MCPH1: variants seen among roughly 807,000 people sequenced by gnomAD.
MCPH1 encodes the protein microcephalin 1.
In MCPH1, 104 loss-of-function variants were observed where a neutral mutation model predicts 84.5. The ratio of observed to expected loss-of-function variants is 1.23; its 90% CI spans 1.05 to 1.45. The LOEUF is 1.45. Ranked by LOEUF, MCPH1 falls within the 40% of genes most tolerant of loss-of-function variation. The pLI, the probability that MCPH1 is intolerant of heterozygous loss-of-function variation, is 0.00. For synonymous variants in MCPH1, 514 were observed against 366.8 expected (o/e 1.40, Z -4.58); for missense variants, 1,498 against 1,005.7 (o/e 1.49, Z -6.62).
chr8:6,544,556 A>G lies in MCPH1; in HGVS notation c.2214+44627A>G, dbSNP rs548171878. On this transcript the variant is annotated intron_variant, in intron 12 of 13. Coordinates refer to ENST00000344683, the MANE Select transcript of MCPH1 (RefSeq NM_024596.5). ...GTCATTTTCGGAGAGAGTTTGTCGA[A>G]GTTTTTTTCAGGGTGTGTCATTCAT... Among the ~76,000 whole-genome samples, 167 of 152,298 alleles carry G rather than the reference A, an allele frequency of 1.1e-3. 1 individual carries two copies. Among genetic ancestry groups the G allele is most frequent in the African/African-American group, 3.7e-3 (154 of 41,570 alleles).
At chr8:6,418,747 A>G (rs1421258374) in intron 3 of MCPH1, among the ~76,000 whole-genome samples, 1 of 151,922 alleles carries the variant, frequency 6.6e-6, no homozygotes, top group African/African-American at 2.4e-5. Flanking sequence ...ACGCCCAGCT[A>G]ATTTTTGTAT....
At chr8:6,510,570 C>T (rs975933462) in intron 12 of MCPH1, among the ~76,000 whole-genome samples, 2 of 152,226 alleles carry the variant, frequency 1.3e-5, no homozygotes, top group Non-Finnish European at 2.9e-5. Context: ...CTTATAACCA[C>T]CTGCAGTGGT....
chr8:6,431,041 G>T (rs2251947), intron 3 of MCPH1, among the ~76,000 whole-genome samples: 36,916 of 152,018 alleles, frequency 0.24, 5,847 homozygotes, highest in Non-Finnish European at 0.35. Flanking sequence ...TGGGGCTGAT[G>T]GTGGTGTCTG....
chr8:6,454,358 C>T (rs1805443780), intron 8 of MCPH1, among the ~76,000 whole-genome samples: 1 of 152,190 alleles, frequency 6.6e-6, no homozygotes, highest in African/African-American at 2.4e-5. Context: ...TAGGCTGCTA[C>T]ATAACTTTTG....
At chr8:6,615,418 T>C (rs1000756890) in intron 12 of MCPH1, among the ~76,000 whole-genome samples, 1 of 152,246 alleles carries the variant, frequency 6.6e-6, no homozygotes, top group Non-Finnish European at 1.5e-5. Flanking sequence ...ATGAGTTCAC[T>C]TAACGACACA....
intron 13 of MCPH1, among the ~76,000 whole-genome samples, chr8:6,636,564 C>T (rs2433144): frequency 0.54 from 81,483 of 152,004 alleles, 22,899 homozygotes; most frequent in African/African-American, 0.7. Flanking sequence ...ATTGCAGCCT[C>T]TAACTCCTGG....
intron 12 of MCPH1, among the ~76,000 whole-genome samples, chr8:6,520,248 C>A (rs1817057409): frequency 6.6e-6 from 1 of 152,146 alleles, no homozygotes; most frequent in Non-Finnish European, 1.5e-5. Context: ...ACTTCCTTTG[C>A]TGATGATCAA....
intron 13 of MCPH1, among the ~76,000 whole-genome samples, chr8:6,634,685 C>G (rs1419891063): frequency 6.6e-6 from 1 of 152,206 alleles, no homozygotes; most frequent in Non-Finnish European, 1.5e-5. Context: ...GCCTCTTGTG[C>G]TCGCTGCAGA....
At chr8:6,470,786 A>G (rs530067018) in intron 9 of MCPH1, among the ~76,000 whole-genome samples, 5 of 152,240 alleles carry the variant, frequency 3.3e-5, no homozygotes, top group Non-Finnish European at 7.3e-5. Context: ...TTATTATTCC[A>G]CCATTATAAG....
chr8:6,407,037 C>G, intron 1 of MCPH1: 1 of 364,426 alleles, frequency 2.7e-6, no homozygotes, highest in Non-Finnish European at 5.1e-6. Flanking sequence ...CTGCCTGCTC[C>G]CTCCCCCATG....
intron 5 of MCPH1, among the ~76,000 whole-genome samples, chr8:6,437,349 G>C (rs1397197369): frequency 6.6e-6 from 1 of 151,968 alleles, no homozygotes; most frequent in Non-Finnish European, 1.5e-5. Flanking sequence ...TCCTGGCTCA[G>C]CCTCCCGAGA....
At chr8:6,537,134 C>T (rs182083660) in intron 12 of MCPH1, among the ~76,000 whole-genome samples, 55 of 152,216 alleles carry the variant, frequency 3.6e-4, no homozygotes, top group Non-Finnish European at 5.4e-4. Context: ...GGAGGGGACC[C>T]GGCTCTTTCC....
At chr8:6,579,865 C>T (rs960104362) in intron 12 of MCPH1, among the ~76,000 whole-genome samples, 19 of 152,114 alleles carry the variant, frequency 1.2e-4, no homozygotes, top group Admixed American at 5.2e-4. Context: ...GGGGCTATGT[C>T]GCCAATGCCA....
chr8:6,519,738 C>G (rs1034493660), intron 12 of MCPH1: 73 of 1,200,818 alleles, frequency 6.1e-5, no homozygotes, highest in Non-Finnish European at 7.6e-5. Context: ...TGCCCAGTAA[C>G]TATGGCTTTG....
intron 12 of MCPH1, among the ~76,000 whole-genome samples, chr8:6,555,377 C>A (rs1454207108): frequency 6.6e-6 from 1 of 152,112 alleles, no homozygotes; most frequent in African/African-American, 2.4e-5. Context: ...CAGAACAGGG[C>A]TGTAACTAGA....
chr8:6,515,785 GTCTTT>G (rs1736929724), intron 12 of MCPH1, among the ~76,000 whole-genome samples: 1 of 152,168 alleles, frequency 6.6e-6, no homozygotes, highest in African/African-American at 2.4e-5. Context: ...GTGTCCCATG[GTCTTT>G]TTGAGAATAA....
At position 6,644,609 on chromosome 8, in the gene MCPH1, C is replaced by G. The variant is rs1244445410; in HGVS notation, c.*1560C>G. The stretch of plus-strand genomic sequence containing the variant: ...TTTCCAATAGCCACGGAATGAAATA[C>G]CTAGGAACACGTATAACCAAGGAGG... On this transcript the variant is annotated 3_prime_UTR_variant, in exon 14 of 14. Transcript: ENST00000344683. The G allele has an allele frequency of 6.6e-6, 1 of 152,170 alleles. No individual in the cohort carries two copies. The highest frequency in any genetic ancestry group is 2.4e-5 in the African/African-American group (1 of 41,450). The allele number at this position is 152,170 out of a possible 1,614,324, so 9.4% of individuals were successfully genotyped here. A position where few individuals can be genotyped will look rare whatever the true frequency, so the allele number is the denominator to read the frequency against.
intron 3 of MCPH1, among the ~76,000 whole-genome samples, chr8:6,421,929 T>A (rs79205281): frequency 0.016 from 2,379 of 152,322 alleles, 28 homozygotes; most frequent in Non-Finnish European, 0.026. Flanking sequence ...CTCTGCCCCG[T>A]CTTCCTGATT....
At chr8:6,561,531 T>A (rs1283025824) in intron 12 of MCPH1, among the ~76,000 whole-genome samples, 1 of 152,118 alleles carries the variant, frequency 6.6e-6, no homozygotes, top group African/African-American at 2.4e-5. Context: ...AATGAAAGAG[T>A]GAGAAAATAA....
Sources: gnomAD v4.1 joint callset for allele counts (sites outside exome capture counted in the v4.1 genomes callset) on GRCh38, gnomAD v4.1.1 for gene constraint, MANE v1.5 for transcripts, NCBI Gene and HGNC (gene_info 2026-07-23, HGNC 2026-07-21) for gene names.